PDE4B: variants seen among roughly 807,000 people sequenced by gnomAD.
PDE4B encodes 3',5'-cyclic-AMP phosphodiesterase 4B.
In PDE4B, 20 loss-of-function variants were observed where a neutral mutation model predicts 82.2. The ratio of observed to expected loss-of-function variants is 0.24; its 90% CI spans 0.17 to 0.35. The LOEUF (loss-of-function observed/expected upper bound fraction) is 0.35, where lower values mean the gene tolerates loss of function less well. Ranked by LOEUF, PDE4B falls within the 10% of genes least tolerant of loss-of-function variation. PDE4B has a pLI of 1.00. For missense variants in PDE4B, 655 were observed against 907.2 expected (o/e 0.72, Z 3.57); for synonymous variants, 320 against 318.9 (o/e 1.00, Z -0.04).
intron 3 of PDE4B, among the ~76,000 whole-genome samples, chr1:66,090,260 C>T (rs563061708): frequency 5.3e-5 from 8 of 152,042 alleles, no homozygotes; most frequent in African/African-American, 1.9e-4. Flanking sequence ...AGTATCTCTT[C>T]TTATGATGGA....
chr1:65,798,086 C>T (rs964858899), intron 1 of PDE4B, among the ~76,000 whole-genome samples: 1 of 151,932 alleles, frequency 6.6e-6, no homozygotes, highest in Admixed American at 6.6e-5. Context: ...TGGTGCATCT[C>T]GGCTCACTCC....
chr1:65,937,966 C>A (rs989825465), intron 3 of PDE4B, among the ~76,000 whole-genome samples: 2 of 152,106 alleles, frequency 1.3e-5, no homozygotes, highest in Non-Finnish European at 2.9e-5. Flanking sequence ...TCCATAAGAA[C>A]CTTGTGAGAT....
intron 3 of PDE4B, among the ~76,000 whole-genome samples, chr1:66,223,538 C>T (rs1651174874): frequency 6.6e-6 from 1 of 152,196 alleles, no homozygotes; most frequent in African/African-American, 2.4e-5. Flanking sequence ...AACCTTTCCA[C>T]AGTGCTGCTG....
chr1:66,265,920 C>A, intron 6 of PDE4B, 118 bp from the exon 7 acceptor site: 1 of 747,084 alleles, frequency 1.3e-6, no homozygotes, highest in South Asian at 1.5e-5. Context: ...GGCATTATGT[C>A]ACTACATAGT....
chr1:66,055,288 T>A (rs1655237636), intron 3 of PDE4B, among the ~76,000 whole-genome samples: 1 of 152,244 alleles, frequency 6.6e-6, no homozygotes, highest in Non-Finnish European at 1.5e-5. Context: ...CATGTTTGCG[T>A]AACGCTTATC....
intron 3 of PDE4B, among the ~76,000 whole-genome samples, chr1:66,015,769 G>T (rs963606983): frequency 6.6e-6 from 1 of 152,008 alleles, no homozygotes; most frequent in African/African-American, 2.4e-5. Context: ...AAGGTGGGGG[G>T]TGTTTGATTA....
At position 66,096,341 on chromosome 1, in the gene PDE4B, A is replaced by G. The variant is rs920199013; in HGVS notation, c.282-151119A>G. 7.9e-5 allele frequency among the ~76,000 whole-genome samples: 12 copies of G among 151,336 alleles called. No homozygotes were observed. In the East Asian group the frequency reaches 1.7e-3, roughly 22 times the overall value. On this transcript the variant is annotated intron_variant, in intron 3 of 16. Transcript: ENST00000341517. ...AGATCATTTACATGCAATAAACAGTATCAACTTTAAATGTACAATTCTATG... is the reference window on the plus strand; with the variant it reads ...AGATCATTTACATGCAATAAACAGTGTCAACTTTAAATGTACAATTCTATG...
At chr1:66,131,592 G>GTT (rs1645945026) in intron 3 of PDE4B, among the ~76,000 whole-genome samples, 1 of 32,842 alleles carries the variant, frequency 3.0e-5, no homozygotes, top group Non-Finnish European at 7.9e-5. Context: ...CTGAATGCCA[G>GTT]ATATATATAT....
intron 7 of PDE4B, among the ~76,000 whole-genome samples, chr1:66,323,490 C>T (rs1659548281): frequency 6.6e-6 from 1 of 152,214 alleles, no homozygotes; most frequent in East Asian, 1.9e-4. Flanking sequence ...GTAAGCAAAA[C>T]CTAATATTCA....
chr1:65,971,231 T>C (rs1214960393), intron 3 of PDE4B, among the ~76,000 whole-genome samples: 1 of 152,038 alleles, frequency 6.6e-6, no homozygotes, highest in Non-Finnish European at 1.5e-5. Flanking sequence ...GCAATTGAGA[T>C]AGGTGACTAA....
chr1:65,975,401 A>G (rs995504868), intron 3 of PDE4B, among the ~76,000 whole-genome samples: 1 of 152,210 alleles, frequency 6.6e-6, no homozygotes, highest in Non-Finnish European at 1.5e-5. Flanking sequence ...TGGAACTTAT[A>G]TTTAAAAGGG....
At chr1:65,832,313 T>C (rs1028413126) in intron 1 of PDE4B, among the ~76,000 whole-genome samples, 6 of 152,134 alleles carry the variant, frequency 3.9e-5, no homozygotes, top group African/African-American at 1.4e-4. Context: ...TAAACTTGAA[T>C]AAGGACTGAA....
intron 3 of PDE4B, among the ~76,000 whole-genome samples, chr1:66,158,413 A>G (rs1180620515): frequency 6.6e-6 from 1 of 152,224 alleles, no homozygotes; most frequent in African/African-American, 2.4e-5. Context: ...TGTCAAAAAA[A>G]TATTCAACAT....
At chr1:65,987,419 G>A (rs760961467) in intron 3 of PDE4B, among the ~76,000 whole-genome samples, 8 of 152,124 alleles carry the variant, frequency 5.3e-5, no homozygotes, top group Non-Finnish European at 1.2e-4. Context: ...ATGTGAAGAT[G>A]AACTTCTAGC....
intron 7 of PDE4B, among the ~76,000 whole-genome samples, chr1:66,285,704 A>G (rs982605388): frequency 3.9e-5 from 6 of 152,014 alleles, no homozygotes; most frequent in Non-Finnish European, 1.5e-5. Flanking sequence ...GTAGTATTCC[A>G]TGGTATATAT....
intron 3 of PDE4B, among the ~76,000 whole-genome samples, chr1:66,051,432 G>A (rs1322454376): frequency 3.9e-5 from 6 of 151,956 alleles, no homozygotes; most frequent in Non-Finnish European, 7.4e-5. Flanking sequence ...TTCTATTTTG[G>A]GGGAAAGATT....
At chr1:65,881,452 G>A (rs927368136) in intron 1 of PDE4B, among the ~76,000 whole-genome samples, 1 of 152,148 alleles carries the variant, frequency 6.6e-6, no homozygotes, top group African/African-American at 2.4e-5. Flanking sequence ...CCTGCTTCCT[G>A]TCCTCACTTC....
intron 1 of PDE4B, among the ~76,000 whole-genome samples, chr1:65,814,443 TA>T (rs967296571): frequency 1.3e-5 from 2 of 152,198 alleles, no homozygotes; most frequent in Non-Finnish European, 2.9e-5. Flanking sequence ...TGCTTTTTTT[TA>T]AAAGAAACTT....
intron 1 of PDE4B, among the ~76,000 whole-genome samples, chr1:65,822,872 G>T (rs765179420): frequency 6.6e-6 from 1 of 152,092 alleles, no homozygotes; most frequent in African/African-American, 2.4e-5. Flanking sequence ...TTGATAATTT[G>T]CTCAGTCTGT....
Sources: gnomAD v4.1 joint callset for allele counts (sites outside exome capture counted in the v4.1 genomes callset) on GRCh38, gnomAD v4.1.1 for gene constraint, MANE v1.5 for transcripts, NCBI Gene and HGNC (gene_info 2026-07-23, HGNC 2026-07-21) for gene names.